Variants in SCML4 observed in about 807,000 individuals in gnomAD.
SCML4 encodes Scm polycomb group protein like 4.
A neutral mutation model predicts 41.1 loss-of-function variants in SCML4; 34 were observed. That is an observed-to-expected ratio of 0.83 (90% CI 0.63 to 1.10). SCML4 has a LOEUF of 1.10. Ranked by LOEUF, SCML4 falls within the 50% of genes least tolerant of loss-of-function variation. The pLI is 0.00. For missense variants in SCML4, 522 were observed against 534.1 expected, an observed-to-expected ratio of 0.98 and a Z score of 0.22; for synonymous variants, 214 against 220.9, an observed-to-expected ratio of 0.97 and a Z score of 0.28.
At chr6:107,754,792 T>A (rs1038526221) in intron 2 of SCML4, among the ~76,000 whole-genome samples, 4 of 152,184 alleles carry the variant, frequency 2.6e-5, no homozygotes, top group Non-Finnish European at 4.4e-5. Context: ...GACTTTAACA[T>A]CTAATGTTTC....
chr6:107,709,137 C>T (rs921950076), intron 6 of SCML4, among the ~76,000 whole-genome samples: 14 of 152,134 alleles, frequency 9.2e-5, no homozygotes, highest in African/African-American at 1.9e-4. Flanking sequence ...CTACAACTGC[C>T]ACTGCCTCAC....
chr6:107,803,529 A>G (rs1213031157), intron 1 of SCML4, among the ~76,000 whole-genome samples: 2 of 148,396 alleles, frequency 1.3e-5, no homozygotes, highest in African/African-American at 5.0e-5. Context: ...CTGCCCGGCC[A>G]CCACCCCGTC....
chr6:107,723,850 A>G (rs1775679976), intron 5 of SCML4, among the ~76,000 whole-genome samples: 3 of 152,192 alleles, frequency 2.0e-5, no homozygotes, highest in Admixed American at 2.0e-4. Flanking sequence ...CCAGACAGAC[A>G]CATCATAAGA....
chr6:107,793,261 G>A (rs112429224), intron 1 of SCML4, among the ~76,000 whole-genome samples: 48 of 152,196 alleles, frequency 3.2e-4, no homozygotes, highest in African/African-American at 1.1e-3. Context: ...GCTAAGACCC[G>A]GTCTAACTTA....
At chr6:107,793,169 T>G (rs969710619) in intron 1 of SCML4, among the ~76,000 whole-genome samples, 1 of 152,204 alleles carries the variant, frequency 6.6e-6, no homozygotes. Context: ...ATCTCCTGTG[T>G]AGCCCTCTCT....
At chr6:107,734,363 C>T (rs900091458) in intron 5 of SCML4, among the ~76,000 whole-genome samples, 5 of 152,204 alleles carry the variant, frequency 3.3e-5, no homozygotes, top group Non-Finnish European at 7.3e-5. Context: ...CTCAATATTA[C>T]TCTAGTTCAT....
At chr6:107,842,432 G>C in the SCML4 span, among the ~76,000 whole-genome samples, 35 of 152,284 alleles carry the variant, frequency 2.3e-4, no homozygotes, top group African/African-American at 8.4e-4. Flanking sequence ...AGGTCAAGTT[G>C]GTTGATGTTA....
At chr6:107,827,229 T>TATTTTTATTTAAATATCTTTAC (rs1785292392), upstream of SCML4, among the ~76,000 whole-genome samples, 1 of 147,258 alleles carries the variant, frequency 6.8e-6, no homozygotes, top group Admixed American at 6.8e-5. Context: ...TATATCTTTA[T>TATTTTTATTTAAATATCTTTAC]ATTTTTATTT....
chr6:107,761,283 C>T (rs1022137700), intron 2 of SCML4, among the ~76,000 whole-genome samples: 2 of 152,014 alleles, frequency 1.3e-5, no homozygotes, highest in Admixed American at 6.5e-5. Context: ...TAAATCCACA[C>T]GTCAACACAA....
At chr6:107,838,693 A>T in the SCML4 span, among the ~76,000 whole-genome samples, 3 of 152,150 alleles carry the variant, frequency 2.0e-5, no homozygotes, top group Non-Finnish European at 4.4e-5. Flanking sequence ...GAGGTAAGGG[A>T]GTGCTTGAAA....
At chr6:107,778,842 G>A (rs1349401580) in intron 1 of SCML4, among the ~76,000 whole-genome samples, 1 of 152,138 alleles carries the variant, frequency 6.6e-6, no homozygotes, top group African/African-American at 2.4e-5. Flanking sequence ...AATAGACAGT[G>A]AGGCTCAAAC....
chr6:107,711,946 G>T (rs1028599384), intron 6 of SCML4, among the ~76,000 whole-genome samples: 8 of 152,204 alleles, frequency 5.3e-5, no homozygotes, highest in Admixed American at 2.6e-4. Context: ...ACACATAATG[G>T]TTTGGCTGAG....
intron 6 of SCML4, among the ~76,000 whole-genome samples, chr6:107,714,976 T>C (rs1774614775): frequency 1.5e-5 from 2 of 129,126 alleles, no homozygotes; most frequent in Non-Finnish European, 3.2e-5. Flanking sequence ...ACAAACCCTT[T>C]ATTTTTTTTT....
At chr6:107,752,656 T>C (rs1218382141) in intron 2 of SCML4, among the ~76,000 whole-genome samples, 1 of 152,182 alleles carries the variant, frequency 6.6e-6, no homozygotes, top group African/African-American at 2.4e-5. Context: ...CCATGCTAAG[T>C]GCTCTGATTA....
chr6:107,845,768 T>G, the SCML4 span, among the ~76,000 whole-genome samples: 1 of 152,192 alleles, frequency 6.6e-6, no homozygotes, highest in Non-Finnish European at 1.5e-5. Flanking sequence ...ACACAGGGCT[T>G]TATGAGACCC....
chr6:107,761,287 A>G (rs985637415), intron 2 of SCML4, among the ~76,000 whole-genome samples: 1 of 152,194 alleles, frequency 6.6e-6, no homozygotes, highest in Non-Finnish European at 1.5e-5. Flanking sequence ...TCCACACGTC[A>G]ACACAATGAA....
intron 1 of SCML4, among the ~76,000 whole-genome samples, chr6:107,789,343 A>C (rs946916847): frequency 2.0e-5 from 3 of 152,144 alleles, no homozygotes; most frequent in African/African-American, 7.2e-5. Context: ...GGTAGACGGG[A>C]GGGAAGCGGA....
chr6:107,759,842 G>A (rs143187243), intron 2 of SCML4, among the ~76,000 whole-genome samples: 135 of 152,206 alleles, frequency 8.9e-4, no homozygotes, highest in African/African-American at 2.9e-3. Context: ...TCCTCATCGG[G>A]GAAATGGACA....
chr6:107,832,961 C>T, the SCML4 span, among the ~76,000 whole-genome samples: 1 of 152,186 alleles, frequency 6.6e-6, no homozygotes, highest in African/African-American at 2.4e-5. Context: ...GGTGAAACCA[C>T]ATTAGCATAT....
Sources: allele counts gnomAD v4.1 joint callset (sites outside exome capture counted in the v4.1 genomes callset), GRCh38; gene constraint gnomAD v4.1.1; transcripts MANE v1.5; gene names NCBI Gene and HGNC (gene_info 2026-07-23, HGNC 2026-07-21).